The following ATG7 variants were observed in gnomAD, a reference collection of about 807,000 sequenced individuals.
ATG7 encodes ubiquitin-like modifier-activating enzyme ATG7.
ATG7 carries 70 observed loss-of-function variants against 82.4 expected under a neutral mutation model. The observed-to-expected ratio is 0.85, with a 90% confidence interval of 0.70 to 1.04. The LOEUF is 1.04. Among genes scored for constraint, ATG7 ranks in the 50% least tolerant of loss-of-function variants. The probability of loss-of-function intolerance (pLI) is 0.00; values close to 1 mark genes in which losing one functional copy is unlikely to be tolerated. For synonymous variants in ATG7, 287 were observed against 313.0 expected, an observed-to-expected ratio of 0.92 and a Z score of 0.88; for missense variants, 792 against 864.3, an observed-to-expected ratio of 0.92 and a Z score of 1.05.
intron 20 of ATG7, chr3:11,477,049 A>G: frequency 8.1e-7 from 1 of 1,229,042 alleles, no homozygotes; most frequent in South Asian, 1.3e-5. Flanking sequence ...CACAATGGGC[A>G]CTTGATTATA....
At chr3:11,554,771 G>A (rs750890706) in intron 20 of ATG7, 40 bp from the exon 21 acceptor site, 35 of 1,611,334 alleles carry the variant, frequency 2.2e-5, no homozygotes, top group Non-Finnish European at 2.9e-5. Context: ...CCACCGGGCA[G>A]TGGGACATCT....
intron 11 of ATG7, among the ~76,000 whole-genome samples, chr3:11,336,293 C>T (rs1230093721): frequency 3.3e-5 from 5 of 152,006 alleles, no homozygotes; most frequent in African/African-American, 1.2e-4. Flanking sequence ...CTCAGCCTCC[C>T]AAGGTGCTAG....
At chr3:11,364,826 A>C in intron 18 of ATG7, 92 bp downstream of exon 18, 1 of 1,336,006 alleles carries the variant, frequency 7.5e-7, no homozygotes, top group Non-Finnish European at 1.1e-6. Flanking sequence ...AGCCCACTTC[A>C]TATCCACCCT....
chr3:11,283,097 C>G (rs999043883), intron 3 of ATG7, among the ~76,000 whole-genome samples: 1 of 152,234 alleles, frequency 6.6e-6, no homozygotes, highest in Non-Finnish European at 1.5e-5. Context: ...CCCACATGGG[C>G]TCAGAGAAAT....
intron 20 of ATG7, among the ~76,000 whole-genome samples, chr3:11,540,585 G>T (rs1480538711): frequency 6.6e-6 from 1 of 151,668 alleles, no homozygotes; most frequent in Non-Finnish European, 1.5e-5. Context: ...AGGCTGCAGT[G>T]AGCAGTGATC....
At chr3:11,315,878 A>G (rs756456118) in intron 9 of ATG7, among the ~76,000 whole-genome samples, 1 of 152,152 alleles carries the variant, frequency 6.6e-6, no homozygotes, top group Non-Finnish European at 1.5e-5. Flanking sequence ...GGTGCCCGCC[A>G]CCATGCCTGG....
chr3:11,296,752 C>G (rs1388765086), intron 3 of ATG7, among the ~76,000 whole-genome samples: 1 of 152,188 alleles, frequency 6.6e-6, no homozygotes, highest in South Asian at 2.1e-4. Context: ...TTCCTCTGCT[C>G]TTCTTGTTCC....
At chr3:11,546,012 C>T (rs1431565875) in intron 20 of ATG7, among the ~76,000 whole-genome samples, 2 of 152,098 alleles carry the variant, frequency 1.3e-5, no homozygotes, top group East Asian at 1.9e-4. Flanking sequence ...GTGGCATATG[C>T]CTGTAGTCCC....
intron 11 of ATG7, among the ~76,000 whole-genome samples, chr3:11,335,288 A>G (rs1358601548): frequency 6.6e-6 from 1 of 152,110 alleles, no homozygotes; most frequent in Non-Finnish European, 1.5e-5. Flanking sequence ...AGATAGTCGC[A>G]GGGGTGTCCA....
the ATG7 span, among the ~76,000 whole-genome samples, chr3:11,573,018 T>C: frequency 0.026 from 3,892 of 151,624 alleles, 71 homozygotes; most frequent in South Asian, 0.055. Context: ...ATACAAAAAT[T>C]AGCTGGGCTT....
chr3:11,451,334 C>G (rs1305538071), intron 20 of ATG7, among the ~76,000 whole-genome samples: 1 of 151,926 alleles, frequency 6.6e-6, no homozygotes, highest in Non-Finnish European at 1.5e-5. Context: ...GCCTCAGCCT[C>G]CTGAGTAGCT....
intron 20 of ATG7, among the ~76,000 whole-genome samples, chr3:11,445,531 A>G (rs1391460601): frequency 6.6e-6 from 1 of 152,100 alleles, no homozygotes; most frequent in Non-Finnish European, 1.5e-5. Context: ...CTGGTGGAGG[A>G]TGGAGGGTGG....
chr3:11,575,334 T>C, the ATG7 span, among the ~76,000 whole-genome samples: 6 of 152,206 alleles, frequency 3.9e-5, no homozygotes, highest in Non-Finnish European at 8.8e-5. Context: ...TTCCAGTCAC[T>C]GTGCTCTCAA....
At chr3:11,346,745 A>G (rs1463786181) in intron 13 of ATG7, among the ~76,000 whole-genome samples, 10 of 152,240 alleles carry the variant, frequency 6.6e-5, no homozygotes, top group Admixed American at 6.5e-4. Context: ...AGCACAAGTG[A>G]CTTTATTCTG....
At chr3:11,445,159 C>G (rs989234902) in intron 20 of ATG7, among the ~76,000 whole-genome samples, 5 of 152,154 alleles carry the variant, frequency 3.3e-5, no homozygotes, top group Non-Finnish European at 5.9e-5. Context: ...CTTCAAAGAC[C>G]TATAAACAGA....
At chr3:11,283,841 A>G (rs1471802150) in intron 3 of ATG7, among the ~76,000 whole-genome samples, 1 of 152,170 alleles carries the variant, frequency 6.6e-6, no homozygotes, top group Non-Finnish European at 1.5e-5. Context: ...CCAAGGCAGG[A>G]GAATCGCTTG....
chr3:11,507,909 A>AAACACAGTCTGTAGTTGGGC (rs2091827625), intron 20 of ATG7, among the ~76,000 whole-genome samples: 1 of 152,088 alleles, frequency 6.6e-6, no homozygotes, highest in African/African-American at 2.4e-5. Flanking sequence ...GCATGCTGGG[A>AAACACAGTCTGTAGTTGGGC]AACACAGTCT....
chr3:11,328,920 C>G (rs1951254070), intron 9 of ATG7, among the ~76,000 whole-genome samples: 1 of 152,154 alleles, frequency 6.6e-6, no homozygotes, highest in South Asian at 2.1e-4. Flanking sequence ...AACCCCGTCT[C>G]TACTGAAAAA....
In ATG7 at chr3:11,298,710, G is replaced by T. The variant is rs1332881634; in HGVS notation, c.15G>T (p.Thr5=). Residue 5 remains threonine, a synonymous_variant, in exon 4 of 21, where the codon ACG becomes ACT. Transcript: ENST00000693202. ...GGCAAGAAATAATGGCGGCAGCTAC[G>T]GGGGATCCTGGACTCTCTAAACTGC... MAAA[T]GDPGLSKLQF... 1 of 1,613,840 alleles carries T rather than the reference G, an allele frequency of 6.2e-7. No homozygotes were observed. Among genetic ancestry groups the T allele is most frequent in the Admixed American group, 1.7e-5 (1 of 59,962 alleles).
Sources: allele counts gnomAD v4.1 joint callset (sites outside exome capture counted in the v4.1 genomes callset), GRCh38; gene constraint gnomAD v4.1.1; transcripts MANE v1.5; gene names NCBI Gene and HGNC (gene_info 2026-07-23, HGNC 2026-07-21).